The following NBPF6 variants were observed in gnomAD, a reference collection of about 807,000 sequenced individuals.
NBPF6 encodes the protein NBPF member 6.
A neutral mutation model predicts 20.8 loss-of-function variants in NBPF6; 2 were observed. The ratio of observed to expected loss-of-function variants is 0.10; its 90% CI spans 0.04 to 0.30. NBPF6 has a LOEUF of 0.30. Ranked by LOEUF, NBPF6 falls within the 10% of genes least tolerant of loss-of-function variation. The pLI is 1.00. For synonymous variants in NBPF6, 24 were observed against 100.0 expected, an observed-to-expected ratio of 0.24 and a Z score of 4.53; for missense variants, 85 against 260.3, an observed-to-expected ratio of 0.33 and a Z score of 4.63.
chr1:108,467,385 G>T (rs1653186823), intron 13 of NBPF6, 66 bp from the exon 14 acceptor site: 1 of 1,441,816 alleles, frequency 6.9e-7, no homozygotes, highest in African/African-American at 1.4e-5. Flanking sequence ...TCCTCTGGGT[G>T]GAAGAGAAAG....
In NBPF6 at chr1:108,467,617, G is replaced by T. The variant is rs1373120885; in HGVS notation, c.1827G>T (p.Lys609Asn). 2 of 1,549,650 alleles carry T rather than the reference G, an allele frequency of 1.3e-6. No individual in the cohort carries two copies. Among genetic ancestry groups the T allele is most frequent in the Non-Finnish European group, 1.7e-6 (2 of 1,145,644 alleles). The stretch of plus-strand genomic sequence containing the variant: ...TCAGAAGAAGACTCCCGTTCAGCAA[G>T]TGGAGACTGGCATTCAGATTCGCTG... ...KTIRRRLPFS[K>N]WRLAFRFAGP... Residue 609 changes from lysine to asparagine, a missense_variant, in exon 14 of 15, where the codon AAG (lysine) becomes AAT (asparagine). Lys to Asn is a moderately conservative substitution (Grantham distance 94, BLOSUM62 0). This residue lies in a region of NBPF6 where 11 missense variants were observed against 40.9 expected (regional missense o/e 0.27). Coordinates refer to ENST00000495380, the MANE Select transcript of NBPF6 (RefSeq NM_001143988.2).
the NBPF6 span, among the ~76,000 whole-genome samples, chr1:108,429,731 GT>G: frequency 1.7e-5 from 2 of 117,960 alleles, no homozygotes; most frequent in African/African-American, 6.2e-5. Flanking sequence ...TTGATGAGGA[GT>G]GTTTTACTTC....
At chr1:108,449,467 A>G, upstream of NBPF6, among the ~76,000 whole-genome samples, 1 of 10,322 alleles carries the variant, frequency 9.7e-5, no homozygotes, top group African/African-American at 1.2e-4. Flanking sequence ...TATATCTCCA[A>G]CAATATTCCC....
chr1:108,447,908 T>G (rs1194476442), upstream of NBPF6, among the ~76,000 whole-genome samples: 2 of 147,376 alleles, frequency 1.4e-5, 1 homozygote, highest in Non-Finnish European at 3.0e-5. Context: ...TTATAAGTAA[T>G]AAGCATTTTT....
upstream of NBPF6, among the ~76,000 whole-genome samples, chr1:108,448,189 C>A (rs534370565): frequency 1.4e-5 from 2 of 146,266 alleles, no homozygotes; most frequent in African/African-American, 5.0e-5. Context: ...TCTCAGCAGC[C>A]CACACCATCC....
rs1293540504 is a variant in NBPF6, at chr1:108,465,223, A to G, written c.1459A>G (p.Ser487Gly). ...GGCGGCCTGTCCCCAAGGGACTTGGAGTGGAGACTTGAGCCACCACCGGTC... is the reference window on the plus strand; with the variant it reads ...GGCGGCCTGTCCCCAAGGGACTTGGGGTGGAGACTTGAGCCACCACCGGTC... ...TEAACPQGTW[S>G]GDLSHHRSEV... The change falls in exon 13 of 15, where the codon AGT (serine) becomes GGT (glycine). Residue 487 changes from serine (S) to glycine (G), a missense_variant. Physicochemically the swap from Ser to Gly is moderately conservative, Grantham distance 56. Around this residue, in one of 5 missense-constraint regions of NBPF6, gnomAD observed 43 missense variants for 97.3 expected, o/e 0.44. Transcript: ENST00000495380. The G allele has an allele frequency of 4.2e-6, 5 of 1,201,776 alleles. 1 individual carries two copies. In the African/African-American group the frequency reaches 8.1e-5, roughly 19 times the overall value. The allele number at this position is 1,201,776 out of a possible 1,614,324, so 74.4% of individuals were successfully genotyped here.
Position 108,470,586 on chromosome 1 carries a change from C to G in NBPF6, c.1876-11C>G. 6.5e-7 allele frequency: 1 copy of G among 1,548,654 alleles called. No individual in the cohort carries two copies. Among genetic ancestry groups the G allele is most frequent in the Non-Finnish European group, 8.7e-7 (1 of 1,145,842 alleles). ...TGCTCATTTGATTTTTTTTCTCTCTCTCCCCTACAGATACCAAATACTGCT... is the reference window on the plus strand; with the variant it reads ...TGCTCATTTGATTTTTTTTCTCTCTGTCCCCTACAGATACCAAATACTGCT... On this transcript the variant is annotated splice_polypyrimidine_tract_variant and intron_variant, in intron 14 of 14. Transcript: ENST00000495380.
At chr1:108,448,315 G>A (rs1340521615), upstream of NBPF6, among the ~76,000 whole-genome samples, 1 of 147,074 alleles carries the variant, frequency 6.8e-6, no homozygotes, top group Non-Finnish European at 1.5e-5. Flanking sequence ...GTTATAAAAA[G>A]GCAAAAGTCT....
At position 108,471,484 on chromosome 1, in the gene NBPF6, G is replaced by T. The variant is rs1653472500; in HGVS notation, c.*846G>T. On this transcript the variant is annotated 3_prime_UTR_variant, in exon 15 of 15. Coordinates refer to ENST00000495380, the MANE Select transcript of NBPF6 (RefSeq NM_001143988.2). Reference sequence around the variant, plus strand: ...GGTCAAGGAGGGGTCTAGGAGCTCTGTCCCTTGTAAAGACACCTTATTTAT... The same window carrying T: ...GGTCAAGGAGGGGTCTAGGAGCTCTTTCCCTTGTAAAGACACCTTATTTAT... Among the ~76,000 whole-genome samples, 2 of 152,164 alleles carry T rather than the reference G, an allele frequency of 1.3e-5. No homozygotes were observed. Among genetic ancestry groups the T allele is most frequent in the African/African-American group, 4.8e-5 (2 of 41,440 alleles).
chr1:108,469,476 T>C lies in NBPF6; in HGVS notation c.1876-1121T>C, dbSNP rs1267977226. ...AAGACTGAAATGCTGCAAGAGATTG[T>C]ATATGAATACTTCTTCATGCCTCTC... On this transcript the variant is annotated intron_variant, in intron 14 of 14. Transcript: ENST00000495380. Among the ~76,000 whole-genome samples, 3 of 151,074 alleles carry C rather than the reference T, an allele frequency of 2.0e-5. No homozygotes were observed. The East Asian group carries it at 5.8e-4, about 29-fold the overall frequency.
In NBPF6 at chr1:108,452,948, CTGTG is replaced by C. The variant is rs752215955; in HGVS notation, c.279-213_279-210del. Among the ~76,000 whole-genome samples, 20 of 58,928 alleles carry C rather than the reference CTGTG, an allele frequency of 3.4e-4. 3 individuals are homozygous for C. The highest frequency in any genetic ancestry group is 7.8e-4 in the African/African-American group (13 of 16,752). The allele number at this position is 58,928 out of a possible 152,430, so 38.7% of individuals were successfully genotyped here. A position where few individuals can be genotyped will look rare whatever the true frequency, so the allele number is the denominator to read the frequency against. On this transcript the variant is annotated intron_variant, in intron 3 of 14. Transcript: ENST00000495380. ...AAGCACTCTCTCATATATCAGAAGG[CTGTG>C]TGTGTGTGTGTGTGTGTGTATGTTT...
chr1:108,469,827 A>T (rs1653361126), intron 14 of NBPF6, among the ~76,000 whole-genome samples: 1 of 150,356 alleles, frequency 6.7e-6, no homozygotes, highest in Admixed American at 6.6e-5. Context: ...AATTATATAT[A>T]TTTTTTATTT....
chr1:108,448,361 T>C (rs1195467177), upstream of NBPF6, among the ~76,000 whole-genome samples: 2 of 149,106 alleles, frequency 1.3e-5, no homozygotes, highest in African/African-American at 4.9e-5. Context: ...GAATAGTGAA[T>C]TAAATACAGC....
chr1:108,436,754 G>A, the NBPF6 span, among the ~76,000 whole-genome samples: 1 of 89,696 alleles, frequency 1.1e-5, no homozygotes, highest in African/African-American at 3.5e-5. Context: ...TCAACAAATG[G>A]TAGAGGATTT....
rs759913269 is a variant in NBPF6 at position 108,470,588 on chromosome 1, C to A, written c.1876-9C>A. ...CTCATTTGATTTTTTTTCTCTCTCT[C>A]CCCTACAGATACCAAATACTGCTGA... On this transcript the variant is annotated splice_polypyrimidine_tract_variant and intron_variant, in intron 14 of 14. Transcript: ENST00000495380. 5 of 1,550,322 alleles carry A rather than the reference C, an allele frequency of 3.2e-6. No homozygotes were observed. Among genetic ancestry groups the A allele is most frequent in the Non-Finnish European group, 4.4e-6 (5 of 1,146,310 alleles).
At chr1:108,429,584 C>G in the NBPF6 span, among the ~76,000 whole-genome samples, 4 of 146,934 alleles carry the variant, frequency 2.7e-5, no homozygotes, top group South Asian at 4.4e-4. Flanking sequence ...CATTATATAC[C>G]CAGGAGTCAT....
At chr1:108,469,860 C>T (rs1031425531) in intron 14 of NBPF6, among the ~76,000 whole-genome samples, 1 of 149,678 alleles carries the variant, frequency 6.7e-6, no homozygotes. Context: ...AAAGAAACAG[C>T]AGCACCATCA....
chr1:108,465,264 A>G lies in NBPF6; in HGVS notation c.1500A>G (p.Ser500=). Residue 500 remains serine, a synonymous_variant, in exon 13 of 15, where the codon TCA becomes TCG. Coordinates refer to ENST00000495380, the MANE Select transcript of NBPF6 (RefSeq NM_001143988.2). ...ACCACCGGTCAGAGGTTCAAATTTC[A>G]CAGGCACAGCTGGAACCAAGCACCC... ...LSHHRSEVQI[S]QAQLEPSTLV... The G allele has an allele frequency of 8.4e-7, 1 of 1,194,970 alleles. No homozygotes were observed. Among genetic ancestry groups the G allele is most frequent in the Non-Finnish European group, 1.1e-6 (1 of 881,468 alleles). 74.0% of individuals were successfully genotyped at this position (1,194,970 alleles called of 1,614,324 possible).
chr1:108,467,761 C>T, intron 14 of NBPF6, 96 bp downstream of exon 14: 2 of 1,334,642 alleles, frequency 1.5e-6, no homozygotes, highest in South Asian at 2.8e-5. Context: ...CCCATTTGTT[C>T]TCTCCAACAG....
Sources: gnomAD v4.1 joint callset for allele counts (sites outside exome capture counted in the v4.1 genomes callset) on GRCh38, gnomAD v4.1.1 for gene constraint, gnomAD v4.1.1 regional missense constraint, MANE v1.5 for transcripts, NCBI Gene and HGNC (gene_info 2026-07-23, HGNC 2026-07-21) for gene names.